Variants in SNX10 observed in about 807,000 individuals in gnomAD.
SNX10 encodes sorting nexin-10.
In SNX10, 25 loss-of-function variants were observed where a neutral mutation model predicts 28.5. The observed-to-expected ratio is 0.88, with a 90% confidence interval of 0.64 to 1.22. The LOEUF is 1.22. SNX10 is among the 50% of genes most tolerant of loss of function. The pLI is 0.00. For synonymous variants in SNX10, 62 were observed against 81.4 expected, an observed-to-expected ratio of 0.76 and a Z score of 1.28; for missense variants, 223 against 242.6, an observed-to-expected ratio of 0.92 and a Z score of 0.54.
At chr7:26,360,297 G>A (rs928854267) in intron 2 of SNX10, among the ~76,000 whole-genome samples, 10 of 152,038 alleles carry the variant, frequency 6.6e-5, no homozygotes, top group African/African-American at 2.2e-4. Flanking sequence ...CTTTTGCCCA[G>A]GCTGGAGTGC....
In SNX10 at chr7:26,372,524, C is replaced by A. The variant is rs530438049; in HGVS notation, c.558C>A (p.Asp186Glu). The A allele has an allele frequency of 1.9e-6, 3 of 1,609,658 alleles. No individual in the cohort carries two copies. In the East Asian group the frequency reaches 6.7e-5, roughly 36 times the overall value. ...SSSGLGHSSDDSSSHGCKVNT... is the reference protein window; with the variant it reads ...SSSGLGHSSDESSSHGCKVNT... ...CTGGGCTTGGACACAGTAGTGATGA[C>A]AGCAGTTCACATGGATGTAAAGTAA... is the stretch of plus-strand genomic sequence containing the variant. Residue 186 changes from aspartate (D) to glutamate (E), a missense_variant, in exon 7 of 7, where the codon GAC becomes GAA. Physicochemically the swap from Asp to Glu is conservative, Grantham distance 45. Transcript: ENST00000338523.
chr7:26,346,618 A>G, intron 2 of SNX10, 152 bp downstream of exon 2: 1 of 686,320 alleles, frequency 1.5e-6, no homozygotes, highest in Non-Finnish European at 2.7e-6. Flanking sequence ...CTCTACTCCC[A>G]CCATTGGTGC....
chr7:26,327,726 CTTTTTTTTT>C lies in SNX10; in HGVS notation c.-23-18681_-23-18673del, dbSNP rs70943293. Among the ~76,000 whole-genome samples the C allele has an allele frequency of 1.2e-3, 106 of 89,104 alleles. 3 individuals carry two copies. The highest frequency in any genetic ancestry group is 6.8e-3 in the East Asian group (23 of 3,368). 58.5% of individuals were successfully genotyped at this position (89,104 alleles called of 152,430 possible). On this transcript the variant is annotated intron_variant, in intron 1 of 6. Transcript: ENST00000338523. ...ATTGTATTCATTCATGCATTCTTTT[CTTTTTTTTT>C]TTTTTTTTTTTTGAGATGGTGTCTC...
chr7:26,327,851 T>C (rs1584122405), intron 1 of SNX10, among the ~76,000 whole-genome samples: 1 of 148,330 alleles, frequency 6.7e-6, no homozygotes, highest in South Asian at 2.2e-4. Context: ...TGCCTCAGCC[T>C]CCTGAGTAGC....
intron 1 of SNX10, among the ~76,000 whole-genome samples, chr7:26,304,343 C>T (rs1410570560): frequency 2.0e-5 from 3 of 152,202 alleles, no homozygotes; most frequent in Admixed American, 6.5e-5. Flanking sequence ...CCCCTTGCCC[C>T]GAATCTCAGG....
intron 1 of SNX10, among the ~76,000 whole-genome samples, chr7:26,345,913 G>A (rs547312111): frequency 6.6e-6 from 1 of 152,096 alleles, no homozygotes; most frequent in Non-Finnish European, 1.5e-5. Context: ...TCAGAGTCAA[G>A]GTCCTGGCTT....
chr7:26,327,998 C>T (rs755831589), intron 1 of SNX10, among the ~76,000 whole-genome samples: 9 of 152,090 alleles, frequency 5.9e-5, no homozygotes, highest in Non-Finnish European at 8.8e-5. Context: ...TCCCAAAGTG[C>T]TGGGATTACA....
chr7:26,347,123 ACG>A (rs1788421164), intron 2 of SNX10, among the ~76,000 whole-genome samples: 1 of 60,830 alleles, frequency 1.6e-5, no homozygotes, highest in African/African-American at 7.7e-5. Context: ...GTGCACACAC[ACG>A]TGCACACACA....
At chr7:26,307,150 C>G (rs1786632703) in intron 1 of SNX10, among the ~76,000 whole-genome samples, 1 of 152,206 alleles carries the variant, frequency 6.6e-6, no homozygotes, top group South Asian at 2.1e-4. Context: ...GAATTTCTCT[C>G]TCTGTTTAAA....
chr7:26,301,520 A>G (rs1030549696), intron 1 of SNX10, among the ~76,000 whole-genome samples: 2 of 152,216 alleles, frequency 1.3e-5, no homozygotes, highest in Admixed American at 6.5e-5. Flanking sequence ...GGGGGCACCA[A>G]AGGCCAAAGA....
chr7:26,292,194 G>C (rs1046554740), intron 1 of SNX10, 108 bp downstream of exon 1: 3 of 152,286 alleles, frequency 2.0e-5, no homozygotes, highest in Non-Finnish European at 4.4e-5. Context: ...CCAGGTGCCC[G>C]CACCCTTGCG....
intron 1 of SNX10, among the ~76,000 whole-genome samples, chr7:26,302,486 A>G (rs1444361359): frequency 6.6e-6 from 1 of 152,218 alleles, no homozygotes; most frequent in Admixed American, 6.5e-5. Context: ...CTCTGTGTGC[A>G]GCAAGCCTCC....
chr7:26,314,902 G>A (rs1024730638), intron 1 of SNX10, among the ~76,000 whole-genome samples: 3 of 152,098 alleles, frequency 2.0e-5, no homozygotes, highest in Admixed American at 6.6e-5. Context: ...GGAGGCTGAG[G>A]CATGAGAATC....
At chr7:26,321,345 A>AAC (rs1787300243) in intron 1 of SNX10, among the ~76,000 whole-genome samples, 1 of 152,184 alleles carries the variant, frequency 6.6e-6, no homozygotes, top group African/African-American at 2.4e-5. Flanking sequence ...AGAGAACTCT[A>AAC]ATATGTTAAG....
rs1468693001 is a variant in SNX10 at position 26,374,305 on chromosome 7, T to C, written c.*1733T>C. The C allele has an allele frequency of 1.3e-5, 2 of 152,104 alleles. No homozygotes were observed. Among genetic ancestry groups the C allele is most frequent in the African/African-American group, 4.8e-5 (2 of 41,460 alleles). The allele number at this position is 152,104 out of a possible 1,614,324, so 9.4% of individuals were successfully genotyped here. A position where few individuals can be genotyped will look rare whatever the true frequency, so the allele number is the denominator to read the frequency against. On this transcript the variant is annotated 3_prime_UTR_variant, in exon 7 of 7. Coordinates refer to ENST00000338523, the MANE Select transcript of SNX10 (RefSeq NM_013322.3). ...TATGTAAATGTCACGAGATCATTTT[T>C]ACATTAAACGTGAAAAAAAATCAAC... is the stretch of plus-strand genomic sequence containing the variant.
intron 1 of SNX10, among the ~76,000 whole-genome samples, chr7:26,298,420 T>C (rs1266122684): frequency 2.0e-5 from 3 of 152,218 alleles, no homozygotes; most frequent in Non-Finnish European, 2.9e-5. Context: ...ATGAAACCTT[T>C]TTGCTTAGGT....
intron 2 of SNX10, among the ~76,000 whole-genome samples, chr7:26,347,769 G>A (rs1788444790): frequency 6.6e-6 from 1 of 152,172 alleles, no homozygotes; most frequent in Non-Finnish European, 1.5e-5. Flanking sequence ...AGAATCTCTT[G>A]AACCTGGGAG....
intron 5 of SNX10, among the ~76,000 whole-genome samples, chr7:26,368,305 G>A (rs1408231574): frequency 6.6e-6 from 1 of 152,174 alleles, no homozygotes; most frequent in Non-Finnish European, 1.5e-5. Context: ...AATTTGGTAT[G>A]ATTGTGAGAT....
chr7:26,363,566 C>T (rs1438087475), intron 3 of SNX10, among the ~76,000 whole-genome samples: 2 of 152,018 alleles, frequency 1.3e-5, no homozygotes, highest in Non-Finnish European at 1.5e-5. Flanking sequence ...TTGTTTTACT[C>T]AAAGGAGAAT....
Sources: gnomAD v4.1 joint callset for allele counts (sites outside exome capture counted in the v4.1 genomes callset) on GRCh38, gnomAD v4.1.1 for gene constraint, MANE v1.5 for transcripts, NCBI Gene and HGNC (gene_info 2026-07-23, HGNC 2026-07-21) for gene names.